Variants in DDX60L observed in about 807,000 individuals in gnomAD.
DDX60L encodes the protein probable ATP-dependent RNA helicase DDX60-like.
In DDX60L, 191 loss-of-function variants were observed where a neutral mutation model predicts 211.6. The ratio of observed to expected loss-of-function variants is 0.90; its 90% CI spans 0.80 to 1.02. The LOEUF (loss-of-function observed/expected upper bound fraction) is 1.02. DDX60L is among the 50% of genes least tolerant of loss of function. DDX60L has a pLI of 0.00. For missense variants in DDX60L, 2,007 were observed against 1,984.1 expected (o/e 1.01, Z -0.22); for synonymous variants, 706 against 694.1 (o/e 1.02, Z -0.27).
chr4:168,458,728 A>G (rs1362203394), intron 5 of DDX60L, among the ~76,000 whole-genome samples: 2 of 152,226 alleles, frequency 1.3e-5, no homozygotes, highest in African/African-American at 4.8e-5. Context: ...ATGGGTTGAT[A>G]GGTGCAGCAA....
At chr4:168,377,225 G>A (rs917570240) in intron 33 of DDX60L, among the ~76,000 whole-genome samples, 1 of 152,084 alleles carries the variant, frequency 6.6e-6, no homozygotes, top group Non-Finnish European at 1.5e-5. Flanking sequence ...CTGGGAGGTG[G>A]AAGTTGCAGT....
intron 22 of DDX60L, among the ~76,000 whole-genome samples, chr4:168,414,206 C>A (rs529959125): frequency 1.9e-4 from 29 of 152,072 alleles, no homozygotes; most frequent in Non-Finnish European, 3.4e-4. Context: ...AACACCTGTC[C>A]TACAAGAAGT....
At chr4:168,440,818 A>G (rs943549171) in intron 10 of DDX60L, among the ~76,000 whole-genome samples, 1 of 152,216 alleles carries the variant, frequency 6.6e-6, no homozygotes, top group South Asian at 2.1e-4. Flanking sequence ...AAATGCTCCA[A>G]ATGGACAGAG....
chr4:168,420,641 T>C (rs2712152), intron 17 of DDX60L, among the ~76,000 whole-genome samples: 6,535 of 80,122 alleles, frequency 0.082, 190 homozygotes, highest in African/African-American at 0.1. Flanking sequence ...CACACACACA[T>C]GAGATAGATA....
At chr4:168,458,727 T>C (rs1287791973) in intron 5 of DDX60L, among the ~76,000 whole-genome samples, 1 of 152,218 alleles carries the variant, frequency 6.6e-6, no homozygotes, top group Non-Finnish European at 1.5e-5. Context: ...GATGGGTTGA[T>C]AGGTGCAGCA....
chr4:168,397,194 C>A (rs1356430898), intron 26 of DDX60L, among the ~76,000 whole-genome samples: 3 of 152,148 alleles, frequency 2.0e-5, no homozygotes, highest in African/African-American at 7.2e-5. Flanking sequence ...TGTTTAGAAG[C>A]CACTTAGTCT....
At chr4:168,443,480 C>A (rs566745649) in intron 9 of DDX60L, among the ~76,000 whole-genome samples, 1 of 151,860 alleles carries the variant, frequency 6.6e-6, no homozygotes, top group South Asian at 2.1e-4. Flanking sequence ...AGAACTTCTC[C>A]AATCTAGCAA....
chr4:168,451,519 G>A (rs530089975), intron 8 of DDX60L, among the ~76,000 whole-genome samples: 42 of 152,174 alleles, frequency 2.8e-4, no homozygotes, highest in Middle Eastern at 3.4e-3. Flanking sequence ...AAGAACTCTT[G>A]TATCTTTGAC....
At chr4:168,459,877 C>A (rs1336260216) in intron 5 of DDX60L, among the ~76,000 whole-genome samples, 1 of 148,660 alleles carries the variant, frequency 6.7e-6, no homozygotes, top group African/African-American at 2.5e-5. Context: ...AAAAAAAAAA[C>A]CTGGGGAAAT....
At chr4:168,404,213 T>C in intron 24 of DDX60L, 107 bp from the exon 25 acceptor site, 1 of 818,640 alleles carries the variant, frequency 1.2e-6, no homozygotes. Flanking sequence ...TTTTCATATA[T>C]AATTTTGGGT....
At position 168,379,721 on chromosome 4, in the gene DDX60L, GAT is replaced by G; in HGVS notation, c.4221+3_4221+4del. 3 of 1,608,652 alleles carry G rather than the reference GAT, an allele frequency of 1.9e-6. No individual in the cohort carries two copies. The highest frequency in any genetic ancestry group is 2.6e-6 in the Non-Finnish European group (3 of 1,175,772). On this transcript the variant is annotated splice_donor_region_variant and intron_variant, in intron 31 of 37. Transcript: ENST00000682922. Reference sequence around the variant, plus strand: ...AGAGAACAAAAAGCCAAAGCACGATGATACCTCTTTGATAAGGAGCTGCAAGG... The same window carrying G: ...AGAGAACAAAAAGCCAAAGCACGATGACCTCTTTGATAAGGAGCTGCAAGG...
chr4:168,409,120 C>T (rs1474565952), intron 22 of DDX60L, among the ~76,000 whole-genome samples: 1 of 152,172 alleles, frequency 6.6e-6, no homozygotes, highest in Non-Finnish European at 1.5e-5. Context: ...ACAAATTTAA[C>T]CAGTTGTCTA....
At chr4:168,363,460 G>A (rs927929537) in intron 36 of DDX60L, among the ~76,000 whole-genome samples, 13 of 152,228 alleles carry the variant, frequency 8.5e-5, no homozygotes, top group Admixed American at 3.9e-4. Flanking sequence ...TCTCTAGTCC[G>A]AAAGCTTTAA....
chr4:168,423,522 T>G, intron 15 of DDX60L, 86 bp downstream of exon 15: 81 of 941,746 alleles, frequency 8.6e-5, no homozygotes, highest in Non-Finnish European at 1.2e-4. Flanking sequence ...ACTCTATATG[T>G]GAGATACTTC....
At chr4:168,399,246 G>A (rs560784715) in intron 26 of DDX60L, among the ~76,000 whole-genome samples, 1 of 143,278 alleles carries the variant, frequency 7.0e-6, no homozygotes, top group African/African-American at 2.6e-5. Flanking sequence ...GGAGAGAAGA[G>A]AGAAGGAGAG....
chr4:168,456,879 A>C (rs55700310), intron 6 of DDX60L, among the ~76,000 whole-genome samples: 1 of 152,300 alleles, frequency 6.6e-6, no homozygotes, highest in African/African-American at 2.4e-5. Flanking sequence ...CTTAATGACA[A>C]GAAAATATGC....
chr4:168,422,776 A>T, intron 15 of DDX60L, 106 bp from the exon 16 acceptor site: 2 of 886,504 alleles, frequency 2.3e-6, no homozygotes, highest in Non-Finnish European at 1.7e-6. Flanking sequence ...TTTTTACTAC[A>T]CTTTTTTTTA....
At chr4:168,464,443 A>ATTTTTTTTTTT (rs34052527) in intron 4 of DDX60L, among the ~76,000 whole-genome samples, 4 of 138,934 alleles carry the variant, frequency 2.9e-5, no homozygotes, top group African/African-American at 5.4e-5. Flanking sequence ...TTATAATTGT[A>ATTTTTTTTTTT]TTTTTTTTTT....
At chr4:168,366,144 A>G (rs1007577251) in intron 36 of DDX60L, among the ~76,000 whole-genome samples, 2 of 152,170 alleles carry the variant, frequency 1.3e-5, no homozygotes, top group African/African-American at 4.8e-5. Flanking sequence ...AGCCAGGGCA[A>G]GCAGACAAGA....
Sources: gnomAD v4.1 joint callset for allele counts (sites outside exome capture counted in the v4.1 genomes callset) on GRCh38, gnomAD v4.1.1 for gene constraint, MANE v1.5 for transcripts, NCBI Gene and HGNC (gene_info 2026-07-23, HGNC 2026-07-21) for gene names.